SOD2: variants seen among roughly 807,000 people sequenced by gnomAD.
SOD2 encodes superoxide dismutase [Mn], mitochondrial.
Under a neutral mutation model 27.0 loss-of-function variants are expected in SOD2, and 11 were observed. The ratio of observed to expected loss-of-function variants is 0.41; its 90% CI spans 0.26 to 0.67. The LOEUF (loss-of-function observed/expected upper bound fraction) is 0.67, where lower values mean the gene tolerates loss of function less well. Among genes scored for constraint, SOD2 ranks in the 30% least tolerant of loss-of-function variants. The pLI is 0.34. For missense variants in SOD2, 250 were observed against 274.5 expected, an observed-to-expected ratio of 0.91 and a Z score of 0.63; for synonymous variants, 105 against 103.0, an observed-to-expected ratio of 1.02 and a Z score of -0.12.
chr6:159,710,491 G>C (rs1242102054), intron 1 of SOD2, among the ~76,000 whole-genome samples: 1 of 151,990 alleles, frequency 6.6e-6, no homozygotes. Context: ...CTGACCAAGA[G>C]TGATCAGAAT....
intron 1 of SOD2, among the ~76,000 whole-genome samples, chr6:159,723,436 C>T (rs1778078183): frequency 6.6e-6 from 1 of 152,222 alleles, no homozygotes; most frequent in South Asian, 2.1e-4. Context: ...GGTCTAAGCA[C>T]TTCCTCTGCA....
upstream of SOD2, chr6:159,693,279 G>A: frequency 3.0e-6 from 3 of 985,874 alleles, no homozygotes; most frequent in Non-Finnish European, 4.4e-6. Context: ...AAGAAAGCGC[G>A]GGGAGCAGGG....
intron 1 of SOD2, among the ~76,000 whole-genome samples, chr6:159,733,336 G>A (rs1211447386): frequency 6.6e-6 from 1 of 152,172 alleles, no homozygotes; most frequent in African/African-American, 2.4e-5. Context: ...AAGAGGGAAG[G>A]CAGGGTGCAG....
At chr6:159,748,927 C>T, upstream of SOD2, 1 of 1,145,950 alleles carries the variant, frequency 8.7e-7, no homozygotes, top group Non-Finnish European at 1.1e-6. The surrounding 1 kb of genome is among the most constrained non-coding windows in gnomAD (Gnocchi z 5.6). Flanking sequence ...GGTCAAAACT[C>T]AAATGAGGTG....
chr6:159,756,869 G>A (rs1364290075), intron 1 of SOD2, among the ~76,000 whole-genome samples: 3 of 152,148 alleles, frequency 2.0e-5, no homozygotes, highest in African/African-American at 7.2e-5. Flanking sequence ...TTCCCAACGT[G>A]TTGGGATTGC....
intron 4 of SOD2, among the ~76,000 whole-genome samples, chr6:159,684,084 G>A (rs1430029593): frequency 6.6e-6 from 1 of 151,922 alleles, no homozygotes; most frequent in African/African-American, 2.4e-5. Context: ...CTTCCAAGCC[G>A]AATATTTTCA....
chr6:159,708,827 A>G (rs551737519), intron 1 of SOD2, among the ~76,000 whole-genome samples: 247 of 152,358 alleles, frequency 1.6e-3, no homozygotes, highest in African/African-American at 5.7e-3. Flanking sequence ...TCCTAAGCCA[A>G]AAGAACAAAG....
At chr6:159,719,752 C>G (rs950182252) in intron 1 of SOD2, among the ~76,000 whole-genome samples, 1 of 132,498 alleles carries the variant, frequency 7.5e-6, no homozygotes, top group Admixed American at 8.3e-5. Flanking sequence ...TTGAGAGAGT[C>G]TTATTCTGTC....
At chr6:159,684,250 A>AT (rs146019439) in intron 4 of SOD2, among the ~76,000 whole-genome samples, 12 of 150,588 alleles carry the variant, frequency 8.0e-5, no homozygotes, top group Non-Finnish European at 1.5e-4. Flanking sequence ...TCTATAGCTA[A>AT]TTTTTTTTTT....
chr6:159,676,519 T>G lies in SOD2; in HGVS notation c.*5974A>C, dbSNP rs894953322. ...AGGACAAAAAAACAAACACCGCATGTTCTCACTCATAGATGGGAATTGAAC... is the reference window on the plus strand; with the variant it reads ...AGGACAAAAAAACAAACACCGCATGGTCTCACTCATAGATGGGAATTGAAC... On this transcript the variant is annotated 3_prime_UTR_variant, in exon 5 of 5. Transcript: ENST00000538183. 4 of 152,168 alleles carry G rather than the reference T, an allele frequency of 2.6e-5. No homozygotes were observed. Among genetic ancestry groups the G allele is most frequent in the Non-Finnish European group, 5.9e-5 (4 of 68,020 alleles). 9.4% of individuals were successfully genotyped at this position (152,168 alleles called of 1,614,324 possible). A position where few individuals can be genotyped will look rare whatever the true frequency, so the allele number is the denominator to read the frequency against.
At chr6:159,747,479 A>G (rs1022698022), upstream of SOD2, among the ~76,000 whole-genome samples, 4 of 152,210 alleles carry the variant, frequency 2.6e-5, no homozygotes, top group Admixed American at 6.5e-5. Context: ...TCAGAAGGGG[A>G]AAAATATGAA....
At chr6:159,744,708 T>C (rs541853171) in intron 1 of SOD2, among the ~76,000 whole-genome samples, 1 of 152,276 alleles carries the variant, frequency 6.6e-6, no homozygotes, top group South Asian at 2.1e-4. Context: ...TTCTTTACTT[T>C]TTTTTCCCAC....
intron 2 of SOD2, chr6:159,691,918 T>C (rs1777218429): frequency 6.6e-6 from 1 of 152,270 alleles, no homozygotes; most frequent in Non-Finnish European, 1.5e-5. Context: ...TACTGCTTTT[T>C]TGGTAACGCA....
At chr6:159,727,401 G>GAGGCAGT (rs772525335), upstream of SOD2, 38 of 1,208,282 alleles carry the variant, frequency 3.1e-5, no homozygotes, top group Admixed American at 5.2e-5. Flanking sequence ...CGGGAGGCGG[G>GAGGCAGT]AGGCAGTGGC....
At chr6:159,753,639 A>G in intron 1 of SOD2, 1 of 1,584,072 alleles carries the variant, frequency 6.3e-7, no homozygotes, top group Non-Finnish European at 8.6e-7. Flanking sequence ...TCTTTTTGGA[A>G]CGTTGTCTCA....
chr6:159,744,623 G>T (rs1562462075), intron 1 of SOD2, among the ~76,000 whole-genome samples: 2 of 152,144 alleles, frequency 1.3e-5, no homozygotes, highest in Non-Finnish European at 2.9e-5. Context: ...ACAAAAGCAC[G>T]TATTTACTCT....
chr6:159,736,244 A>T, intron 1 of SOD2: 1 of 1,588,136 alleles, frequency 6.3e-7, no homozygotes, highest in Non-Finnish European at 8.6e-7. Flanking sequence ...GTTTTCCGCA[A>T]CTTTTTTTTT....
At chr6:159,762,061 AG>A in exon 1 of SOD2, 1 of 1,611,584 alleles carries the variant, frequency 6.2e-7, no homozygotes, top group African/African-American at 1.3e-5. Context: ...CAGGCAGCGC[AG>A]GGCAGACGGC....
chr6:159,691,911 T>A (rs5746103), intron 2 of SOD2: 1 of 152,268 alleles, frequency 6.6e-6, no homozygotes. Flanking sequence ...GTTAGGTTAC[T>A]GCTTTTTTGG....
Sources: gnomAD v4.1 joint callset for allele counts (sites outside exome capture counted in the v4.1 genomes callset) on GRCh38, gnomAD v4.1.1 for gene constraint, Gnocchi (gnomAD v3.1) non-coding constraint, MANE v1.5 for transcripts, NCBI Gene and HGNC (gene_info 2026-07-23, HGNC 2026-07-21) for gene names.